The following RPL5 variants were observed in gnomAD, a reference collection of about 807,000 sequenced individuals.
The protein encoded by RPL5 is ribosomal protein L5.
Under a neutral mutation model 38.4 loss-of-function variants are expected in RPL5, and 1 was observed. That is an observed-to-expected ratio of 0.03 (90% confidence interval 0.01 to 0.12). RPL5 has a LOEUF of 0.12. Among genes scored for constraint, RPL5 ranks in the 10% least tolerant of loss-of-function variants. The pLI, the probability that RPL5 is intolerant of heterozygous loss-of-function variation, is 1.00. For synonymous variants in RPL5, 109 were observed against 121.2 expected (o/e 0.90, Z 0.66); for missense variants, 243 against 374.1 (o/e 0.65, Z 2.89).
chr1:92,839,425 T>A (rs1022085782), intron 6 of RPL5, among the ~76,000 whole-genome samples: 1 of 152,152 alleles, frequency 6.6e-6, no homozygotes, highest in African/African-American at 2.4e-5. Context: ...TCTGACATCT[T>A]TCTGGTCTAG....
intron 3 of RPL5, 138 bp from the exon 4 acceptor site, chr1:92,834,641 C>A (rs1357623722): frequency 1.8e-6 from 2 of 1,135,282 alleles, no homozygotes; most frequent in African/African-American, 1.5e-5. Flanking sequence ...TTACTGGTAA[C>A]CCAGCTAAGA....
chr1:92,836,746 A>G (rs1194383531), intron 5 of RPL5: 2 of 242,184 alleles, frequency 8.3e-6, no homozygotes, highest in Non-Finnish European at 1.6e-5. Flanking sequence ...GATTTACTGA[A>G]TTATGCAAAA....
intron 1 of RPL5, chr1:92,833,101 T>A: frequency 2.9e-6 from 2 of 701,494 alleles, no homozygotes; most frequent in Non-Finnish European, 2.6e-6. Context: ...ACAATAATTT[T>A]ATACCTGTTA....
intron 1 of RPL5, 32 bp downstream of exon 1, chr1:92,832,149 A>G: frequency 6.2e-7 from 1 of 1,613,748 alleles, no homozygotes; most frequent in Non-Finnish European, 8.5e-7. Flanking sequence ...GGGGCTTTAG[A>G]TGCATGGAGG....
chr1:92,837,255 A>C (rs894226688), intron 5 of RPL5: 2 of 756,940 alleles, frequency 2.6e-6, no homozygotes, highest in African/African-American at 1.7e-5. Flanking sequence ...TGTAGCATGA[A>C]TTTCTTTTCT....
chr1:92,834,160 C>T (rs891962142), intron 3 of RPL5, among the ~76,000 whole-genome samples: 10 of 152,156 alleles, frequency 6.6e-5, no homozygotes, highest in Non-Finnish European at 1.3e-4. Context: ...ATCCCAATTC[C>T]AGTAGAAGAA....
chr1:92,839,570 T>C lies in RPL5; in HGVS notation c.706-981T>C, dbSNP rs1245678321. Reference sequence around the variant, plus strand: ...AAGATGGAAAACAAAAGTCTAGGGATTGTGGGATGACAGATGAATTTGCTT... The same window carrying C: ...AAGATGGAAAACAAAAGTCTAGGGACTGTGGGATGACAGATGAATTTGCTT... On this transcript the variant is annotated intron_variant, in intron 6 of 7. Transcript: ENST00000370321. 2.0e-5 allele frequency among the ~76,000 whole-genome samples: 3 copies of C among 152,242 alleles called. No homozygotes were observed. The East Asian group carries it at 5.8e-4, about 29-fold the overall frequency.
chr1:92,836,615 C>T (rs1226391058), intron 5 of RPL5: 13 of 551,184 alleles, frequency 2.4e-5, no homozygotes, highest in Non-Finnish European at 3.9e-5. Flanking sequence ...TTTTTCGGGC[C>T]AGTTATTGAA....
intron 3 of RPL5, chr1:92,833,877 G>C (rs923184566): frequency 1.8e-6 from 1 of 550,394 alleles, no homozygotes; most frequent in Non-Finnish European, 3.2e-6. Context: ...CCAGCACTTC[G>C]GGAAGATTGC....
At position 92,841,748 on chromosome 1, in the gene RPL5, T is replaced by C. The variant is rs906388214; in HGVS notation, c.795-18T>C. On this transcript the variant is annotated intron_variant, in intron 7 of 7. Transcript: ENST00000370321. ...CTTCAGTTATAGTTTAAAAAATATA[T>C]ATTCCTATCTTTTGTAGGTGGAACC... 3.2e-6 allele frequency: 5 copies of C among 1,542,802 alleles called. No individual in the cohort carries two copies. The African/African-American group carries it at 6.8e-5, about 21-fold the overall frequency.
chr1:92,832,361 G>A (rs1373357855), intron 1 of RPL5: 5 of 651,134 alleles, frequency 7.7e-6, no homozygotes, highest in Admixed American at 2.3e-5. Context: ...GGGGAGAAGG[G>A]TGAGTTTAGT....
At chr1:92,835,028 G>C in intron 4 of RPL5, 115 bp downstream of exon 4, 1 of 1,471,132 alleles carries the variant, frequency 6.8e-7, no homozygotes, top group Non-Finnish European at 9.4e-7. Context: ...GAGAGTGCTT[G>C]CTTCCAGTTT....
intron 3 of RPL5, among the ~76,000 whole-genome samples, chr1:92,834,504 C>A (rs1043183947): frequency 1.3e-5 from 2 of 152,180 alleles, no homozygotes; most frequent in Non-Finnish European, 2.9e-5. Flanking sequence ...GCATTGTCTT[C>A]CTCCGTACCC....
In RPL5 at chr1:92,840,552, TGGA is replaced by T. The variant is rs767332385; in HGVS notation, c.712_714del (p.Glu238del). 5 of 1,611,260 alleles carry T rather than the reference TGGA, an allele frequency of 3.1e-6. No homozygotes were observed. Among genetic ancestry groups the T allele is most frequent in the Non-Finnish European group, 4.2e-6 (5 of 1,178,414 alleles). ...ACTGTTTGCTTTCCTTTGTTTCAGA[TGGA>T]GGAGATGTATAAGAAAGCTCATGCT... On this transcript the variant is annotated inframe_deletion and splice_region_variant, in exon 7 of 8. Transcript: ENST00000370321.
In RPL5 at chr1:92,834,931, T is replaced by G; in HGVS notation, c.324+18T>G. ...CCCGCAGGGTATGTACAAGATGATT[T>G]TAATTGATGTAGTTTGTGGCTGATT... is the stretch of plus-strand genomic sequence containing the variant. On this transcript the variant is annotated intron_variant, in intron 4 of 7. Coordinates refer to ENST00000370321, the MANE Select transcript of RPL5 (RefSeq NM_000969.5). 1 of 1,600,122 alleles carries G rather than the reference T, an allele frequency of 6.2e-7. No individual in the cohort carries two copies. Among genetic ancestry groups the G allele is most frequent in the Non-Finnish European group, 8.5e-7 (1 of 1,179,972 alleles).
chr1:92,834,877 T>G lies in RPL5; in HGVS notation c.288T>G (p.Ala96=). The G allele has an allele frequency of 6.2e-7, 1 of 1,604,146 alleles. No homozygotes were observed. The highest frequency in any genetic ancestry group is 8.5e-7 in the Non-Finnish European group (1 of 1,179,976). ...YGVKVGLTNY[A]AAYCTGLLLA... The stretch of plus-strand genomic sequence containing the variant: ...TGAAGGTTGGCCTGACAAATTATGC[T>G]GCAGCATATTGTACTGGCCTGCTGC... Residue 96 remains alanine (A), a synonymous_variant, in exon 4 of 8, where the codon GCT becomes GCG. Transcript: ENST00000370321.
chr1:92,839,486 A>G (rs1007655418), intron 6 of RPL5, among the ~76,000 whole-genome samples: 4 of 152,168 alleles, frequency 2.6e-5, no homozygotes, highest in African/African-American at 9.7e-5. Context: ...GTAGTGAAAG[A>G]CAGAAGAGAG....
In RPL5 at chr1:92,837,687, A is replaced by G. The variant is rs571059513; in HGVS notation, c.705+54A>G. ...TTGGTTAATTTATGGAAATAGGTTT[A>G]TTACTTGTTTTGGGGGCAGGTAACA... On this transcript the variant is annotated intron_variant, in intron 6 of 7. Transcript: ENST00000370321. 3.7e-5 allele frequency: 55 copies of G among 1,496,894 alleles called. 1 individual carries two copies. The African/African-American group carries it at 7.2e-4, about 20-fold the overall frequency. The allele number at this position is 1,496,894 out of a possible 1,614,324, so 92.7% of individuals were successfully genotyped here. A position where few individuals can be genotyped will look rare whatever the true frequency, so the allele number is the denominator to read the frequency against.
At position 92,832,212 on chromosome 1, in the gene RPL5, G is replaced by T. The variant is rs992679960; in HGVS notation, c.3+95G>T. 125 of 1,571,822 alleles carry T rather than the reference G, an allele frequency of 8.0e-5. 1 individual carries two copies. The highest frequency in any genetic ancestry group is 3.3e-4 in the Middle Eastern group (2 of 6,032). On this transcript the variant is annotated intron_variant, in intron 1 of 7. Transcript: ENST00000370321. ...TAGGGCCCGTCTCGCGCGTCGCAGG[G>T]GCCGGATGGCGTTAGATTGCTAGCT...
Sources: gnomAD v4.1 joint callset for allele counts (sites outside exome capture counted in the v4.1 genomes callset) on GRCh38, gnomAD v4.1.1 for gene constraint, MANE v1.5 for transcripts, NCBI Gene and HGNC (gene_info 2026-07-23, HGNC 2026-07-21) for gene names.